The following LRTM3 variants were observed in gnomAD, a reference collection of about 807,000 sequenced individuals.
The protein encoded by LRTM3 is leucine-rich repeat transmembrane protein 3.
chr13:102,735,741 T>G, the LRTM3 span: 3 of 1,548,718 alleles, frequency 1.9e-6, no homozygotes, highest in Non-Finnish European at 2.6e-6. Context: ...TATGCTTTTT[T>G]GCCTGAATCT....
chr13:102,758,189 T>C, the LRTM3 span, among the ~76,000 whole-genome samples: 1 of 152,150 alleles, frequency 6.6e-6, no homozygotes, highest in Non-Finnish European at 1.5e-5. Context: ...TCCTCATCTG[T>C]AAGAAACTAC....
the LRTM3 span, chr13:102,733,091 T>C: frequency 5.3e-5 from 82 of 1,551,528 alleles, no homozygotes; most frequent in African/African-American, 1.0e-3. Flanking sequence ...CTTGTCCACA[T>C]CTGTTTCCGA....
the LRTM3 span, chr13:102,741,875 G>T: frequency 6.5e-7 from 1 of 1,550,344 alleles, no homozygotes; most frequent in South Asian, 1.2e-5. Flanking sequence ...GATTTGTTGT[G>T]AACTAATCCT....
At chr13:102,733,629 T>C in the LRTM3 span, 3 of 1,551,372 alleles carry the variant, frequency 1.9e-6, no homozygotes, top group South Asian at 1.2e-5. Flanking sequence ...GTTTCTGTTT[T>C]GTATTTTACA....
the LRTM3 span, chr13:102,737,876 T>G: frequency 1.3e-6 from 2 of 1,550,736 alleles, no homozygotes; most frequent in African/African-American, 2.7e-5. Context: ...TAGAGAAGAA[T>G]TGGAAGGCAA....
chr13:102,731,794 G>A, the LRTM3 span: 1 of 1,550,706 alleles, frequency 6.4e-7, no homozygotes, highest in South Asian at 1.2e-5. Flanking sequence ...GTGTGGTCAT[G>A]TCCCATACTG....
At chr13:102,756,076 C>G in the LRTM3 span, among the ~76,000 whole-genome samples, 1 of 150,894 alleles carries the variant, frequency 6.6e-6, no homozygotes, top group Non-Finnish European at 1.5e-5. Flanking sequence ...TCTCAGCCTC[C>G]CAAGTCATTG....
the LRTM3 span, chr13:102,749,783 A>C: frequency 6.4e-7 from 1 of 1,551,338 alleles, no homozygotes; most frequent in Non-Finnish European, 8.7e-7. Context: ...TTGATTCTGA[A>C]AAGCATTTTG....
At chr13:102,755,696 G>T in the LRTM3 span, among the ~76,000 whole-genome samples, 1 of 151,494 alleles carries the variant, frequency 6.6e-6, no homozygotes, top group Non-Finnish European at 1.5e-5. Flanking sequence ...GTCAATAGGT[G>T]CAGTAAACCA....
At chr13:102,739,685 A>T in the LRTM3 span, 1 of 1,550,236 alleles carries the variant, frequency 6.5e-7, no homozygotes, top group Non-Finnish European at 8.7e-7. Flanking sequence ...TATTCTTTTC[A>T]TATCCATTGC....
the LRTM3 span, chr13:102,737,690 T>C: frequency 1.3e-6 from 2 of 1,550,866 alleles, no homozygotes; most frequent in Non-Finnish European, 1.7e-6. Context: ...TTCTTTCTGT[T>C]GCATGTAATC....
chr13:102,734,578 T>A, the LRTM3 span: 1 of 1,551,340 alleles, frequency 6.4e-7, no homozygotes, highest in Non-Finnish European at 8.7e-7. Context: ...CGATTATTTT[T>A]TTTTGGTTCC....
the LRTM3 span, chr13:102,738,263 A>C: frequency 6.5e-7 from 1 of 1,549,938 alleles, no homozygotes; most frequent in Non-Finnish European, 8.7e-7. Context: ...TGCTTTTTGT[A>C]CTTTGATTGT....
At chr13:102,733,594 G>A in the LRTM3 span, 1 of 1,551,206 alleles carries the variant, frequency 6.4e-7, no homozygotes, top group Non-Finnish European at 8.7e-7. Context: ...CATCCATTGT[G>A]GGATAGGAAA....
At chr13:102,733,665 G>C in the LRTM3 span, 1 of 1,551,180 alleles carries the variant, frequency 6.4e-7, no homozygotes, top group African/African-American at 1.4e-5. Flanking sequence ...CCTGTAAAGA[G>C]CCATTCCGGC....
chr13:102,742,527 C>G, the LRTM3 span: 21 of 1,550,502 alleles, frequency 1.4e-5, no homozygotes, highest in South Asian at 2.5e-4. Flanking sequence ...GAGAAAAAAA[C>G]AGATTCTGGA....
At chr13:102,747,888 C>T in the LRTM3 span, 1 of 1,551,308 alleles carries the variant, frequency 6.4e-7, no homozygotes. Flanking sequence ...TGGAATTTGA[C>T]ATACTTGGGC....
At chr13:102,738,794 A>C in the LRTM3 span, 2 of 1,550,354 alleles carry the variant, frequency 1.3e-6, no homozygotes. Flanking sequence ...TTTGCTCCAA[A>C]TCTCAACTTC....
At chr13:102,730,839 A>G in the LRTM3 span, 2 of 1,551,524 alleles carry the variant, frequency 1.3e-6, no homozygotes, top group South Asian at 1.2e-5. Flanking sequence ...AGGTATTTGT[A>G]TTGTAAATCA....
Sources: allele counts gnomAD v4.1 joint callset (sites outside exome capture counted in the v4.1 genomes callset), GRCh38; gene constraint gnomAD v4.1.1; transcripts MANE v1.5; gene names NCBI Gene and HGNC (gene_info 2026-07-23, HGNC 2026-07-21).